The following SCAF4 variants were observed in gnomAD, a reference collection of about 807,000 sequenced individuals.
SCAF4 encodes the protein SR-related and CTD-associated factor 4.
In SCAF4, 25 loss-of-function variants were observed where a neutral mutation model predicts 129.8. That is an observed-to-expected ratio of 0.19 (90% CI 0.14 to 0.27). The LOEUF (loss-of-function observed/expected upper bound fraction) is 0.27, where lower values mean the gene tolerates loss of function less well. Ranked by LOEUF, SCAF4 falls within the 10% of genes least tolerant of loss-of-function variation. The probability of loss-of-function intolerance (pLI) is 1.00; values close to 1 mark genes in which losing one functional copy is unlikely to be tolerated. For missense variants in SCAF4, 1,246 were observed against 1,457.1 expected, an observed-to-expected ratio of 0.86 and a Z score of 2.36; for synonymous variants, 551 against 497.7, an observed-to-expected ratio of 1.11 and a Z score of -1.43.
chr21:31,704,235 C>T (rs1388541872), intron 3 of SCAF4, among the ~76,000 whole-genome samples: 1 of 152,092 alleles, frequency 6.6e-6, no homozygotes, highest in Non-Finnish European at 1.5e-5. Context: ...TATAAATTCA[C>T]TTATTATGAT....
intron 1 of SCAF4, among the ~76,000 whole-genome samples, chr21:31,730,624 T>G (rs1317109421): frequency 6.6e-6 from 1 of 152,220 alleles, no homozygotes; most frequent in Non-Finnish European, 1.5e-5. Context: ...TTGCTTTATC[T>G]TTGGTATTTG....
At chr21:31,708,291 G>A (rs574283582) in intron 1 of SCAF4, among the ~76,000 whole-genome samples, 11 of 151,444 alleles carry the variant, frequency 7.3e-5, no homozygotes, top group African/African-American at 7.3e-5. Context: ...CAGGAGAATC[G>A]CTTGAACCCA....
At chr21:31,689,643 G>A (rs1173757827) in intron 15 of SCAF4, among the ~76,000 whole-genome samples, 2 of 150,550 alleles carry the variant, frequency 1.3e-5, no homozygotes, top group African/African-American at 4.9e-5. Context: ...TTCTGAGGGC[G>A]GTGAGGGTGA....
chr21:31,719,259 T>C (rs926681386), intron 1 of SCAF4, among the ~76,000 whole-genome samples: 1 of 151,778 alleles, frequency 6.6e-6, no homozygotes, highest in Non-Finnish European at 1.5e-5. Flanking sequence ...CATCGCACTC[T>C]AGCCTGGGCA....
chr21:31,717,102 AC>A (rs2050937504), intron 1 of SCAF4, among the ~76,000 whole-genome samples: 1 of 152,234 alleles, frequency 6.6e-6, no homozygotes, highest in Non-Finnish European at 1.5e-5. Context: ...ATGCATGTGG[AC>A]TAGCATAAAG....
chr21:31,692,858 TTGA>T (rs2050292378), intron 12 of SCAF4, among the ~76,000 whole-genome samples: 2 of 152,218 alleles, frequency 1.3e-5, no homozygotes, highest in East Asian at 3.9e-4. Flanking sequence ...CTCTTAAGTG[TTGA>T]TGGTTTTTCT....
chr21:31,701,966 A>G (rs749848471), intron 5 of SCAF4, 48 bp from the exon 6 acceptor site: 13 of 1,591,626 alleles, frequency 8.2e-6, no homozygotes, highest in Middle Eastern at 3.4e-4. Flanking sequence ...TTAACCTACA[A>G]GTTTTCCTAA....
intron 10 of SCAF4, among the ~76,000 whole-genome samples, 161 bp downstream of exon 10, chr21:31,694,652 G>A (rs1425492469): frequency 6.6e-6 from 1 of 152,152 alleles, no homozygotes; most frequent in Non-Finnish European, 1.5e-5. Context: ...GTATTAGCAT[G>A]TCCACTTTCC....
chr21:31,703,302 T>TA (rs1336705936), intron 4 of SCAF4, among the ~76,000 whole-genome samples: 2 of 152,124 alleles, frequency 1.3e-5, no homozygotes, highest in Non-Finnish European at 2.9e-5. Context: ...CCTTTCATAT[T>TA]ATTTTTTAAA....
chr21:31,682,313 A>T (rs111980946), intron 19 of SCAF4, among the ~76,000 whole-genome samples: 2,991 of 151,818 alleles, frequency 0.02, 47 homozygotes, highest in Middle Eastern at 0.048. Context: ...TGGGAGGCGG[A>T]GGCTGCAGTG....
chr21:31,692,183 A>C, intron 13 of SCAF4, 166 bp downstream of exon 13: 1 of 596,640 alleles, frequency 1.7e-6, no homozygotes, highest in Non-Finnish European at 3.0e-6. Context: ...AAGAATTCTA[A>C]GAAATGTTAA....
At chr21:31,730,545 CTG>C (rs1262323551) in intron 1 of SCAF4, among the ~76,000 whole-genome samples, 3 of 152,224 alleles carry the variant, frequency 2.0e-5, no homozygotes, top group Non-Finnish European at 4.4e-5. Context: ...CCTACAAAAT[CTG>C]TGAGATGCAG....
intron 7 of SCAF4, 93 bp downstream of exon 7, chr21:31,700,902 G>T: frequency 1.5e-6 from 2 of 1,300,546 alleles, no homozygotes; most frequent in Non-Finnish European, 2.2e-6. Context: ...ACGACATAAT[G>T]AACAATCCAC....
chr21:31,709,834 ACC>A lies in SCAF4; in HGVS notation c.31-3479_31-3478del, dbSNP rs571424649. ...ATGTTAACTAAGGCAGATCTGTTAC[ACC>A]TGTTTTGAGATGATACTTAAAAAAA... On this transcript the variant is annotated intron_variant, in intron 1 of 19. Transcript: ENST00000286835. Among the ~76,000 whole-genome samples the A allele has an allele frequency of 2.1e-4, 31 of 145,806 alleles. 2 individuals are homozygous for A. In the South Asian group the frequency reaches 4.0e-3, roughly 19 times the overall value.
intron 19 of SCAF4, among the ~76,000 whole-genome samples, chr21:31,675,497 T>C (rs2123464209): frequency 6.6e-6 from 1 of 152,120 alleles, no homozygotes; most frequent in South Asian, 2.1e-4. Context: ...AAGGACAGGG[T>C]GTAAGCGATG....
At chr21:31,696,801 C>T in intron 7 of SCAF4, 51 bp from the exon 8 acceptor site, 1 of 1,461,084 alleles carries the variant, frequency 6.8e-7, no homozygotes, top group Non-Finnish European at 9.4e-7. Flanking sequence ...TGATTCACTG[C>T]ACAAAAAACT....
chr21:31,678,317 C>T (rs2049911567), intron 19 of SCAF4, among the ~76,000 whole-genome samples: 1 of 152,166 alleles, frequency 6.6e-6, no homozygotes, highest in Non-Finnish European at 1.5e-5. Context: ...GACTCTTTTT[C>T]GCATTCCGTA....
chr21:31,696,304 T>C, intron 8 of SCAF4, 83 bp from the exon 9 acceptor site: 1 of 1,026,376 alleles, frequency 9.7e-7, no homozygotes, highest in Non-Finnish European at 1.5e-6. Context: ...AGAGTGTTGT[T>C]CATGAGTCAT....
intron 1 of SCAF4, among the ~76,000 whole-genome samples, chr21:31,715,894 T>C (rs979761490): frequency 1.3e-5 from 2 of 152,220 alleles, no homozygotes; most frequent in African/African-American, 4.8e-5. Context: ...ATTTGGTATA[T>C]AGTTTTCACT....
Sources: allele counts gnomAD v4.1 joint callset (sites outside exome capture counted in the v4.1 genomes callset), GRCh38; gene constraint gnomAD v4.1.1; transcripts MANE v1.5; gene names NCBI Gene and HGNC (gene_info 2026-07-23, HGNC 2026-07-21).